The following ACSM3 variants were observed in gnomAD, a reference collection of about 807,000 sequenced individuals.
ACSM3 encodes acyl-coenzyme A synthetase ACSM3, mitochondrial.
Under a neutral mutation model 74.1 loss-of-function variants are expected in ACSM3, and 61 were observed. The ratio of observed to expected loss-of-function variants is 0.82; its 90% CI spans 0.67 to 1.02. The LOEUF (loss-of-function observed/expected upper bound fraction) is 1.02, where lower values mean the gene tolerates loss of function less well. Ranked by LOEUF, ACSM3 falls within the 50% of genes least tolerant of loss-of-function variation. The pLI is 0.00. For missense variants in ACSM3, 660 were observed against 697.0 expected, an observed-to-expected ratio of 0.95 and a Z score of 0.60; for synonymous variants, 213 against 241.5, an observed-to-expected ratio of 0.88 and a Z score of 1.09.
At chr16:20,783,769 C>T (rs993496172) in intron 7 of ACSM3, among the ~76,000 whole-genome samples, 1 of 152,042 alleles carries the variant, frequency 6.6e-6, no homozygotes, top group Non-Finnish European at 1.5e-5. Flanking sequence ...TCTATTCTCC[C>T]TGAAAATACA....
At chr16:20,761,164 A>G (rs1326439094), upstream of ACSM3, among the ~76,000 whole-genome samples, 3 of 151,768 alleles carry the variant, frequency 2.0e-5, no homozygotes, top group Non-Finnish European at 4.4e-5. Context: ...GCTGGAGTGC[A>G]GTGGCATGAT....
intron 4 of ACSM3, 103 bp downstream of exon 4, chr16:20,777,683 A>T (rs1449600469): frequency 3.0e-6 from 3 of 989,020 alleles, no homozygotes; most frequent in Non-Finnish European, 4.5e-6. Context: ...TTAAAACAAC[A>T]GGCAAAGGGA....
At chr16:20,690,076 G>A (rs1288083377) in intron 1 of ACSM3, among the ~76,000 whole-genome samples, 1 of 152,214 alleles carries the variant, frequency 6.6e-6, no homozygotes. Context: ...TTTTCTTGAG[G>A]TTACTATGCA....
Position 20,781,060 on chromosome 16 carries a change from C to T in ACSM3, c.869C>T (p.Ser290Phe). Residue 290 changes from serine (S) to phenylalanine (F), a missense_variant, in exon 6 of 14, where the codon TCT becomes TTT. Ser to Phe is a radical substitution (Grantham distance 155, BLOSUM62 -2). Coordinates refer to ENST00000289416, the MANE Select transcript of ACSM3 (RefSeq NM_005622.4). The stretch of plus-strand genomic sequence containing the variant: ...AAGTCTGCATGGAGTAGTGTTTTTT[C>T]TCCGTGGATCCAGGGAGCATGTGTA... ...WAKSAWSSVFSPWIQGACVFT... is the reference protein window; with the variant it reads ...WAKSAWSSVFFPWIQGACVFT... 1 of 1,614,158 alleles carries T rather than the reference C, an allele frequency of 6.2e-7. No homozygotes were observed. Among genetic ancestry groups the T allele is most frequent in the Non-Finnish European group, 8.5e-7 (1 of 1,180,030 alleles).
intron 1 of ACSM3, among the ~76,000 whole-genome samples, chr16:20,700,050 T>C (rs904748648): frequency 6.6e-6 from 1 of 152,192 alleles, no homozygotes; most frequent in African/African-American, 2.4e-5. Flanking sequence ...TCTCTTCCCC[T>C]GATTCAATGC....
At chr16:20,715,634 CCTCA>C (rs1186346391) in intron 1 of ACSM3, among the ~76,000 whole-genome samples, 3 of 149,740 alleles carry the variant, frequency 2.0e-5, no homozygotes, top group African/African-American at 4.9e-5. Context: ...AAAAAAAAAT[CCTCA>C]CTGTTTTTAC....
At position 20,737,062 on chromosome 16, in the gene ACSM3, T is replaced by C. The variant is rs751005803; in HGVS notation, c.-189-12848T>C. ...TCTGCTGTGTTGTTTTGGTCTGATT[T>C]GTCCGCAGATTCCAGTTTAGCTTCT... On this transcript the variant is annotated intron_variant, in intron 1 of 3. Coordinates refer to the ACSM3 transcript ENST00000561584. The C allele has an allele frequency of 5.6e-6, 9 of 1,614,108 alleles. No individual in the cohort carries two copies. In the South Asian group the frequency reaches 8.8e-5, roughly 16 times the overall value.
chr16:20,739,677 C>T (rs1213439359), intron 1 of ACSM3, among the ~76,000 whole-genome samples: 3 of 151,600 alleles, frequency 2.0e-5, no homozygotes, highest in African/African-American at 7.3e-5. Context: ...AAAAATTAGC[C>T]CGATGTGGTG....
chr16:20,716,611 A>G (rs1318001276), intron 1 of ACSM3, among the ~76,000 whole-genome samples: 3 of 152,216 alleles, frequency 2.0e-5, no homozygotes, highest in African/African-American at 7.2e-5. Flanking sequence ...AAACCATTAC[A>G]GCTACACTTG....
intron 1 of ACSM3, chr16:20,738,372 G>C (rs2079889510): frequency 8.1e-6 from 3 of 370,652 alleles, no homozygotes; most frequent in South Asian, 4.1e-5. Flanking sequence ...CATTAGCTAA[G>C]TTAGCACACA....
chr16:20,700,076 A>T (rs561717387), intron 1 of ACSM3, among the ~76,000 whole-genome samples: 71 of 152,288 alleles, frequency 4.7e-4, no homozygotes, highest in African/African-American at 1.6e-3. Context: ...GAAACCATAT[A>T]TGGAGATAGT....
chr16:20,728,418 C>A, intron 1 of ACSM3: 1 of 1,433,240 alleles, frequency 7.0e-7, no homozygotes, highest in Non-Finnish European at 9.7e-7. Context: ...TGTTCTACCA[C>A]CTGGCAAAGA....
chr16:20,741,452 T>A, intron 1 of ACSM3: 1 of 1,472,860 alleles, frequency 6.8e-7, no homozygotes, highest in East Asian at 2.5e-5. Context: ...CCCTCCACCC[T>A]TCCCTCCTCC....
Position 20,770,163 on chromosome 16 carries a change from T to A in ACSM3, c.129T>A (p.Tyr43Ter), listed in dbSNP as rs760798365. The change falls in exon 2 of 14, where the codon TAT (tyrosine) becomes TAA (stop). Residue 43 changes from tyrosine (Y) to a stop codon, truncating the protein, a stop_gained. Coordinates refer to ENST00000289416, the MANE Select transcript of ACSM3 (RefSeq NM_005622.4). LOFTEE classifies it high-confidence loss of function. Reference protein sequence around the residue: ...RTATPQNFSNYESMKQDFKLG... With the variant: ...RTATPQNFSN ...CAACCCCTCAGAATTTCTCCAACTA[T>A]GAATCCATGAAACAGGACTTCAAAC... 12 of 1,614,066 alleles carry A rather than the reference T, an allele frequency of 7.4e-6. No homozygotes were observed. The Admixed American group carries it at 2.0e-4, about 27-fold the overall frequency.
intron 2 of ACSM3, among the ~76,000 whole-genome samples, chr16:20,771,046 C>T (rs1452941878): frequency 3.3e-5 from 5 of 152,192 alleles, no homozygotes; most frequent in Admixed American, 2.6e-4. Context: ...CCTCTCCCCA[C>T]TACCGTTCCT....
intron 1 of ACSM3, among the ~76,000 whole-genome samples, chr16:20,769,325 G>A (rs150476627): frequency 3.3e-5 from 5 of 152,262 alleles, no homozygotes; most frequent in African/African-American, 9.6e-5. Context: ...GGGCCTCCCC[G>A]ACAAAAGTCC....
chr16:20,792,493 A>G, intron 12 of ACSM3, 158 bp downstream of exon 12: 3 of 980,852 alleles, frequency 3.1e-6, no homozygotes, highest in African/African-American at 3.5e-5. Context: ...CTACAAAATA[A>G]GATTGAATTA....
intron 1 of ACSM3, among the ~76,000 whole-genome samples, chr16:20,701,358 C>T (rs2079712318): frequency 6.6e-6 from 1 of 152,128 alleles, no homozygotes; most frequent in South Asian, 2.1e-4. Flanking sequence ...CTTCCCCACT[C>T]ATCTCAGATC....
intron 1 of ACSM3, chr16:20,721,116 G>A (rs2079783618): frequency 6.6e-6 from 1 of 152,278 alleles, no homozygotes; most frequent in East Asian, 1.9e-4. Context: ...GGTCTTTGGA[G>A]TAGAAGCCTG....
Sources: gnomAD v4.1 joint callset for allele counts (sites outside exome capture counted in the v4.1 genomes callset) on GRCh38, gnomAD v4.1.1 for gene constraint, MANE v1.5 for transcripts, NCBI Gene and HGNC (gene_info 2026-07-23, HGNC 2026-07-21) for gene names.